The following GRID2 variants were observed in gnomAD, a reference collection of about 807,000 sequenced individuals.
GRID2 encodes the protein glutamate receptor ionotropic, delta-2.
In GRID2, 33 loss-of-function variants were observed where a neutral mutation model predicts 114.8. That is an observed-to-expected ratio of 0.29 (90% CI 0.22 to 0.38). The LOEUF (loss-of-function observed/expected upper bound fraction) is 0.38, where lower values mean the gene tolerates loss of function less well. Ranked by LOEUF, GRID2 falls within the 10% of genes least tolerant of loss-of-function variation. The pLI, the probability that GRID2 is intolerant of heterozygous loss-of-function variation, is 1.00. For synonymous variants in GRID2, 505 were observed against 449.9 expected (o/e 1.12, Z -1.55); for missense variants, 1,184 against 1,257.7 (o/e 0.94, Z 0.89).
At chr4:93,593,016 G>T (rs1312143000) in intron 13 of GRID2, among the ~76,000 whole-genome samples, 2 of 151,604 alleles carry the variant, frequency 1.3e-5, no homozygotes, top group African/African-American at 2.4e-5. Context: ...TATCCAATTT[G>T]CCAGTCTGTG....
At chr4:93,573,623 T>C (rs998805275) in intron 13 of GRID2, among the ~76,000 whole-genome samples, 1 of 152,304 alleles carries the variant, frequency 6.6e-6, no homozygotes, top group African/African-American at 2.4e-5. Context: ...ATATTGCTGC[T>C]GCTGGACTTT....
At chr4:92,597,997 C>T (rs1380741785) in intron 2 of GRID2, among the ~76,000 whole-genome samples, 2 of 152,106 alleles carry the variant, frequency 1.3e-5, no homozygotes, top group African/African-American at 4.8e-5. Flanking sequence ...GAAGAAATAG[C>T]AAGCTGACAT....
Position 93,448,365 on chromosome 4 carries a change from A to G in GRID2, c.1546-7297A>G, listed in dbSNP as rs565729266. ...CTACCAAAGAAAACATGCTACATAG[A>G]AAAACACAGTAAATATAACAAAATC... On this transcript the variant is annotated intron_variant, in intron 10 of 15. Transcript: ENST00000282020. Among the ~76,000 whole-genome samples, 8 of 151,816 alleles carry G rather than the reference A, an allele frequency of 5.3e-5. No individual in the cohort carries two copies. The South Asian group carries it at 1.7e-3, about 31-fold the overall frequency.
chr4:93,605,957 TAGAG>T (rs1470697048), intron 13 of GRID2, among the ~76,000 whole-genome samples: 1 of 151,982 alleles, frequency 6.6e-6, no homozygotes, highest in African/African-American at 2.4e-5. Context: ...TAGTAGAAGT[TAGAG>T]AGGATGGTAG....
intron 4 of GRID2, among the ~76,000 whole-genome samples, chr4:93,175,213 C>T (rs1450690372): frequency 6.6e-6 from 1 of 152,116 alleles, no homozygotes; most frequent in African/African-American, 2.4e-5. Flanking sequence ...CTCTGTCGCC[C>T]AGGCTGGAGT....
intron 1 of GRID2, among the ~76,000 whole-genome samples, chr4:92,578,045 T>A (rs916603823): frequency 2.2e-4 from 2 of 9,242 alleles, no homozygotes; most frequent in African/African-American, 3.4e-4. Flanking sequence ...ACTTAGTTTC[T>A]TCTTCTTCTT....
intron 2 of GRID2, among the ~76,000 whole-genome samples, chr4:93,001,256 C>T (rs1432979749): frequency 6.6e-6 from 1 of 151,536 alleles, no homozygotes; most frequent in African/African-American, 2.4e-5. Context: ...TGTAAACACA[C>T]AAGTATATAA....
chr4:92,736,163 G>A (rs1158856564), intron 2 of GRID2, among the ~76,000 whole-genome samples: 1 of 152,068 alleles, frequency 6.6e-6, no homozygotes, highest in Non-Finnish European at 1.5e-5. Context: ...AAAATAGAAA[G>A]GTAAGAGCAT....
intron 14 of GRID2, among the ~76,000 whole-genome samples, chr4:93,690,130 C>G (rs1726428397): frequency 6.6e-6 from 1 of 151,948 alleles, no homozygotes; most frequent in African/African-American, 2.4e-5. Flanking sequence ...TGCACAGTAG[C>G]TACACCAAAC....
chr4:93,234,830 G>T (rs1746580526), intron 7 of GRID2, among the ~76,000 whole-genome samples: 2 of 151,940 alleles, frequency 1.3e-5, no homozygotes. Flanking sequence ...TCACTGCCTT[G>T]CTGGGCCCAT....
At chr4:93,746,498 T>A (rs1289233279) in intron 14 of GRID2, among the ~76,000 whole-genome samples, 1 of 152,110 alleles carries the variant, frequency 6.6e-6, no homozygotes, top group Non-Finnish European at 1.5e-5. Context: ...TGTTTTTTCC[T>A]ACAAATTCTT....
chr4:93,624,527 T>C (rs550930407), intron 13 of GRID2, among the ~76,000 whole-genome samples: 7 of 152,150 alleles, frequency 4.6e-5, no homozygotes, highest in Non-Finnish European at 8.8e-5. Flanking sequence ...AGATAACAGG[T>C]AGACAACTGT....
intron 14 of GRID2, among the ~76,000 whole-genome samples, chr4:93,755,211 C>T (rs1194203752): frequency 6.6e-6 from 1 of 152,128 alleles, no homozygotes; most frequent in African/African-American, 2.4e-5. Flanking sequence ...TTTCGAATAA[C>T]TGCTGAGAAC....
At chr4:93,290,518 G>T (rs1753626399) in intron 8 of GRID2, among the ~76,000 whole-genome samples, 1 of 151,448 alleles carries the variant, frequency 6.6e-6, no homozygotes, top group African/African-American at 2.4e-5. Context: ...TTTCTTTTTT[G>T]TACTTTTGGC....
At position 93,515,236 on chromosome 4, in the gene GRID2, A is replaced by T. The variant is rs149397360; in HGVS notation, c.2018A>T (p.Lys673Met). The T allele has an allele frequency of 1.3e-5, 21 of 1,596,506 alleles. No homozygotes were observed. The African/African-American group carries it at 2.6e-4, about 19-fold the overall frequency. The change falls in exon 13 of 16, where the codon AAG becomes ATG. Residue 673 changes from lysine to methionine, a missense_variant. Lys to Met is a moderately conservative substitution (Grantham distance 95). Transcript: ENST00000282020. ...TCAAGGTCTCTCCAGGACCTTTCCA[A>T]GCAAACAGAAATCCCTTATGGCACA... ...SSIQSLQDLS[K>M]QTEIPYGTVL...
intron 4 of GRID2, among the ~76,000 whole-genome samples, chr4:93,181,389 T>C (rs1739881371): frequency 6.6e-6 from 1 of 152,186 alleles, no homozygotes; most frequent in Non-Finnish European, 1.5e-5. Flanking sequence ...ATACATTTAG[T>C]ATAATTCTGA....
At chr4:92,841,259 C>T (rs534059863) in intron 2 of GRID2, among the ~76,000 whole-genome samples, 1 of 152,070 alleles carries the variant, frequency 6.6e-6, no homozygotes, top group African/African-American at 2.4e-5. Flanking sequence ...AATGTACTCA[C>T]TTTTTTCTCA....
intron 14 of GRID2, among the ~76,000 whole-genome samples, chr4:93,689,664 T>C (rs937601442): frequency 2.0e-5 from 3 of 151,694 alleles, no homozygotes; most frequent in African/African-American, 7.3e-5. Context: ...GACTCAAGCA[T>C]TGGTAACAAA....
intron 4 of GRID2, among the ~76,000 whole-genome samples, chr4:93,157,318 C>T (rs1355565649): frequency 6.6e-6 from 1 of 151,658 alleles, no homozygotes; most frequent in East Asian, 1.9e-4. Flanking sequence ...GTACCTTTTC[C>T]TTTCTTCCAC....
Sources: gnomAD v4.1 joint callset for allele counts (sites outside exome capture counted in the v4.1 genomes callset) on GRCh38, gnomAD v4.1.1 for gene constraint, MANE v1.5 for transcripts, NCBI Gene and HGNC (gene_info 2026-07-23, HGNC 2026-07-21) for gene names.